The following SYN2 variants were observed in gnomAD, a reference collection of about 807,000 sequenced individuals.
The protein encoded by SYN2 is synapsin-2.
In SYN2, 19 loss-of-function variants were observed where a neutral mutation model predicts 50.9. The observed-to-expected ratio is 0.37, with a 90% CI of 0.26 to 0.55. The LOEUF is 0.55. Among genes scored for constraint, SYN2 ranks in the 20% least tolerant of loss-of-function variants. The pLI is 0.81. For missense variants in SYN2, 587 were observed against 576.4 expected (o/e 1.02, Z -0.19); for synonymous variants, 255 against 224.9 (o/e 1.13, Z -1.20).
At chr3:12,104,987 G>A (rs78305626) in intron 1 of SYN2, among the ~76,000 whole-genome samples, 4,950 of 152,230 alleles carry the variant, frequency 0.033, 106 homozygotes, top group African/African-American at 0.036. Context: ...CATTAGTAGC[G>A]CTAAGTGAGC....
At chr3:12,163,910 C>G (rs1400349857) in intron 7 of SYN2, among the ~76,000 whole-genome samples, 1 of 151,976 alleles carries the variant, frequency 6.6e-6, no homozygotes, top group African/African-American at 2.4e-5. Context: ...GACCCCATCT[C>G]TACAAAAAAT....
At chr3:12,075,996 G>C (rs1452483762) in intron 1 of SYN2, among the ~76,000 whole-genome samples, 1 of 152,062 alleles carries the variant, frequency 6.6e-6, no homozygotes, top group Non-Finnish European at 1.5e-5. Context: ...AATCCTGTGA[G>C]GTATATACTA....
At chr3:12,040,430 C>CTTTTT (rs34991752) in intron 1 of SYN2, among the ~76,000 whole-genome samples, 4 of 109,272 alleles carry the variant, frequency 3.7e-5, no homozygotes, top group African/African-American at 3.3e-5. Context: ...AGTTCTGTTT[C>CTTTTT]TTTTTTTTTT....
intron 1 of SYN2, among the ~76,000 whole-genome samples, chr3:12,015,338 C>T (rs1694004163): frequency 6.6e-6 from 1 of 152,184 alleles, no homozygotes; most frequent in Non-Finnish European, 1.5e-5. Flanking sequence ...ACCTCACTTT[C>T]GACAACACTG....
chr3:12,019,926 A>C (rs929295051), intron 1 of SYN2, among the ~76,000 whole-genome samples: 3 of 152,108 alleles, frequency 2.0e-5, no homozygotes, highest in African/African-American at 7.2e-5. Flanking sequence ...CTCCTTTCTG[A>C]TCTCTGCATT....
chr3:12,156,921 A>T (rs766932798), intron 5 of SYN2: 1 of 1,613,762 alleles, frequency 6.2e-7, no homozygotes, highest in Non-Finnish European at 8.5e-7. Context: ...GACTTTCTCA[A>T]ACCCTTTGAA....
rs1458485028 is a variant in SYN2 at position 12,140,842 on chromosome 3, C to T, written c.435+134C>T. On this transcript the variant is annotated intron_variant, in intron 2 of 12. Transcript: ENST00000621198. ...GTTCTGGACTCTGCATCTCCTCTCT[C>T]TCCTATCCTTTCCCCAGGACCTTTC... 4.4e-6 allele frequency: 3 copies of T among 685,196 alleles called. No individual in the cohort carries two copies. In the Admixed American group the frequency reaches 6.4e-5, roughly 15 times the overall value. 42.4% of individuals were successfully genotyped at this position (685,196 alleles called of 1,614,324 possible).
Position 12,004,711 on chromosome 3 carries a change from G to T in SYN2, c.160G>T (p.Ala54Ser). 6.1e-6 allele frequency: 1 copy of T among 162,922 alleles called. No homozygotes were observed. Among genetic ancestry groups the T allele is most frequent in the Non-Finnish European group, 1.3e-5 (1 of 78,254 alleles). The allele number at this position is 162,922 out of a possible 1,614,324, so 10.1% of individuals were successfully genotyped here. The change falls in exon 1 of 13, where the codon GCC becomes TCC. Residue 54 changes from alanine (A) to serine (S), a missense_variant. Coordinates refer to ENST00000621198, the MANE Select transcript of SYN2 (RefSeq NM_133625.6). ...CTCGGCCTCGGCGGCGCCCCCGACC[G>T]CCTCGCCGGGCCCGGAGCGGAGGCC... is the stretch of plus-strand genomic sequence containing the variant. ...AASASAAPPTASPGPERRPPP... is the reference protein window; with the variant it reads ...AASASAAPPTSSPGPERRPPP...
chr3:12,178,790 G>A (rs1698150058), intron 10 of SYN2, among the ~76,000 whole-genome samples: 1 of 152,246 alleles, frequency 6.6e-6, no homozygotes, highest in Admixed American at 6.5e-5. Context: ...TTTAGTTTAA[G>A]CCTAACAATC....
intron 1 of SYN2, among the ~76,000 whole-genome samples, chr3:12,104,657 C>T (rs1299053055): frequency 6.7e-6 from 1 of 150,156 alleles, no homozygotes; most frequent in Non-Finnish European, 1.5e-5. Flanking sequence ...TCACTGCACC[C>T]TCCACCTCAG....
chr3:12,153,644 C>T (rs776322088), intron 5 of SYN2: 2 of 1,614,200 alleles, frequency 1.2e-6, no homozygotes, highest in Admixed American at 3.3e-5. Flanking sequence ...TTCGTTCCAA[C>T]AGCCAGTCTG....
At chr3:12,027,178 A>T (rs1056057699) in intron 1 of SYN2, among the ~76,000 whole-genome samples, 1 of 152,132 alleles carries the variant, frequency 6.6e-6, no homozygotes, top group Non-Finnish European at 1.5e-5. Flanking sequence ...AGTCAGCTTC[A>T]TGGCTCAGCC....
At chr3:12,124,694 A>G (rs948000647) in intron 1 of SYN2, among the ~76,000 whole-genome samples, 3 of 152,226 alleles carry the variant, frequency 2.0e-5, no homozygotes, top group Admixed American at 6.5e-5. Context: ...GTAGGCAGAT[A>G]GATATAAAAT....
chr3:12,159,114 C>A, intron 5 of SYN2: 1 of 433,190 alleles, frequency 2.3e-6, no homozygotes, highest in Non-Finnish European at 4.0e-6. Flanking sequence ...ATGAAGCGAT[C>A]TGGAAGCAGA....
chr3:12,124,755 C>T (rs772157923), intron 1 of SYN2, among the ~76,000 whole-genome samples: 5 of 152,038 alleles, frequency 3.3e-5, no homozygotes, highest in Admixed American at 2.0e-4. Flanking sequence ...TATATTCAGT[C>T]TACGGATATA....
At chr3:12,075,147 A>C (rs1354654310) in intron 1 of SYN2, among the ~76,000 whole-genome samples, 1 of 152,114 alleles carries the variant, frequency 6.6e-6, no homozygotes, top group African/African-American at 2.4e-5. Context: ...TAAATGAGGA[A>C]ACTGAGGCCC....
intron 10 of SYN2, among the ~76,000 whole-genome samples, chr3:12,174,185 C>T (rs1452635428): frequency 6.6e-6 from 1 of 152,088 alleles, no homozygotes; most frequent in African/African-American, 2.4e-5. Context: ...CTTGGCCAGC[C>T]TGTATCTATC....
At chr3:12,130,160 ATG>A (rs1211995342) in intron 1 of SYN2, among the ~76,000 whole-genome samples, 1 of 151,268 alleles carries the variant, frequency 6.6e-6, no homozygotes, top group Non-Finnish European at 1.5e-5. Flanking sequence ...ACATATATAT[ATG>A]TGTGTGTGAG....
intron 1 of SYN2, among the ~76,000 whole-genome samples, chr3:12,096,244 T>C (rs1020247538): frequency 6.6e-6 from 1 of 152,216 alleles, no homozygotes; most frequent in Non-Finnish European, 1.5e-5. Flanking sequence ...CTATAAATCT[T>C]TCTCTATACA....
Sources: gnomAD v4.1 joint callset for allele counts (sites outside exome capture counted in the v4.1 genomes callset) on GRCh38, gnomAD v4.1.1 for gene constraint, MANE v1.5 for transcripts, NCBI Gene and HGNC (gene_info 2026-07-23, HGNC 2026-07-21) for gene names.